Variants in RANBP2 observed in about 807,000 individuals in gnomAD.
RANBP2 encodes RAN binding protein 2, also known as E3 SUMO-protein ligase RanBP2.
RANBP2 carries 57 observed loss-of-function variants against 303.6 expected under a neutral mutation model. The ratio of observed to expected loss-of-function variants is 0.19; its 90% CI spans 0.15 to 0.23. The LOEUF (loss-of-function observed/expected upper bound fraction) is 0.23. Ranked by LOEUF, RANBP2 falls within the 10% of genes least tolerant of loss-of-function variation. The pLI, the probability that RANBP2 is intolerant of heterozygous loss-of-function variation, is 1.00. For missense variants in RANBP2, 3,138 were observed against 3,780.8 expected, an observed-to-expected ratio of 0.83 and a Z score of 4.46; for synonymous variants, 1,167 against 1,301.5, an observed-to-expected ratio of 0.90 and a Z score of 2.23.
the RANBP2 span, among the ~76,000 whole-genome samples, chr2:109,569,200 A>T: frequency 6.6e-6 from 1 of 152,164 alleles, no homozygotes; most frequent in East Asian, 1.9e-4. Flanking sequence ...AGGCTGAGGC[A>T]GGTGGGTCAC....
chr2:109,085,331 T>C, the RANBP2 span, among the ~76,000 whole-genome samples: 9 of 152,268 alleles, frequency 5.9e-5, no homozygotes, highest in African/African-American at 1.9e-4. Flanking sequence ...TTAGATAGAG[T>C]CTTGCTCTGT....
At chr2:109,205,148 A>T in the RANBP2 span, among the ~76,000 whole-genome samples, 1 of 152,218 alleles carries the variant, frequency 6.6e-6, no homozygotes, top group Admixed American at 6.5e-5. Context: ...TTGAGGCTAC[A>T]ATGAGCCATG....
At chr2:109,367,594 T>C in the RANBP2 span, among the ~76,000 whole-genome samples, 1 of 152,240 alleles carries the variant, frequency 6.6e-6, no homozygotes, top group African/African-American at 2.4e-5. Context: ...TTTTTTGAAT[T>C]TAATATTAAC....
the RANBP2 span, among the ~76,000 whole-genome samples, chr2:109,589,557 T>C: frequency 1.3e-5 from 2 of 151,804 alleles, no homozygotes; most frequent in Non-Finnish European, 2.9e-5. Flanking sequence ...TAAAAATAAA[T>C]AAAAAGTAAC....
At chr2:109,518,915 C>CTTTTTTT in the RANBP2 span, among the ~76,000 whole-genome samples, 3 of 110,998 alleles carry the variant, frequency 2.7e-5, no homozygotes, top group African/African-American at 1.2e-4. Flanking sequence ...TGCTACATAT[C>CTTTTTTT]TTTTTTTTTT....
chr2:109,159,096 G>A, the RANBP2 span, among the ~76,000 whole-genome samples: 5 of 152,056 alleles, frequency 3.3e-5, no homozygotes, highest in East Asian at 1.9e-4. Context: ...CAGCCTGGGC[G>A]ACAGAGTGAG....
At chr2:109,429,222 C>A in the RANBP2 span, among the ~76,000 whole-genome samples, 1 of 152,198 alleles carries the variant, frequency 6.6e-6, no homozygotes, top group Non-Finnish European at 1.5e-5. Flanking sequence ...TTGACCCCCA[C>A]CCGGGCCAAG....
the RANBP2 span, among the ~76,000 whole-genome samples, chr2:109,485,121 C>T: frequency 9.9e-5 from 15 of 152,248 alleles, no homozygotes; most frequent in Non-Finnish European, 1.5e-4. Flanking sequence ...GAGTCCCTTT[C>T]TATCTGCTTC....
chr2:109,546,215 A>T, the RANBP2 span: 3 of 1,573,276 alleles, frequency 1.9e-6, no homozygotes, highest in Non-Finnish European at 2.6e-6. Flanking sequence ...AAGTCTCTTA[A>T]GGTGCTCAAA....
the RANBP2 span, among the ~76,000 whole-genome samples, chr2:109,640,759 T>C: frequency 6.6e-6 from 1 of 152,178 alleles, no homozygotes; most frequent in South Asian, 2.1e-4. Context: ...GTCTGACCGC[T>C]GTTTACTGAA....
At chr2:109,191,412 A>G in the RANBP2 span, among the ~76,000 whole-genome samples, 1 of 152,178 alleles carries the variant, frequency 6.6e-6, no homozygotes, top group Non-Finnish European at 1.5e-5. Flanking sequence ...TGTGAATACT[A>G]TTTAGAAGAA....
chr2:109,519,188 G>A, the RANBP2 span, among the ~76,000 whole-genome samples: 1 of 152,084 alleles, frequency 6.6e-6, no homozygotes, highest in South Asian at 2.1e-4. Flanking sequence ...CAAAGTGCTG[G>A]GATTACAGGC....
the RANBP2 span, among the ~76,000 whole-genome samples, chr2:109,203,970 T>C: frequency 0.84 from 128,499 of 152,212 alleles, 54,356 homozygotes; most frequent in African/African-American, 0.88. Context: ...GGTGCTCCAG[T>C]GTGAAGCATT....
the RANBP2 span, among the ~76,000 whole-genome samples, chr2:108,849,152 A>G: frequency 5.1e-3 from 777 of 152,304 alleles, 9 homozygotes; most frequent in Middle Eastern, 0.02. Flanking sequence ...ATACATAGCA[A>G]TAGAAACTGT....
At chr2:108,774,028 A>C (rs527797632) in intron 23 of RANBP2, among the ~76,000 whole-genome samples, 139 of 152,330 alleles carry the variant, frequency 9.1e-4, no homozygotes, top group Non-Finnish European at 1.5e-3. Context: ...CAGTTGATGA[A>C]TCTACATTGA....
the RANBP2 span, among the ~76,000 whole-genome samples, chr2:109,466,947 A>T: frequency 7.1e-6 from 1 of 140,296 alleles, no homozygotes; most frequent in African/African-American, 3.0e-5. Flanking sequence ...GTGTGTGTCT[A>T]TATATCTGTG....
At chr2:109,299,262 T>G in the RANBP2 span, among the ~76,000 whole-genome samples, 1 of 152,260 alleles carries the variant, frequency 6.6e-6, no homozygotes, top group African/African-American at 2.4e-5. Context: ...ACTCTTTAGC[T>G]TTCTTGGGAT....
chr2:109,071,667 C>T, the RANBP2 span, among the ~76,000 whole-genome samples: 1 of 128,632 alleles, frequency 7.8e-6, no homozygotes, highest in Non-Finnish European at 1.7e-5. Context: ...AAGCAAGACT[C>T]TATCTCAAAA....
At chr2:108,825,394 G>A in the RANBP2 span, among the ~76,000 whole-genome samples, 503 of 150,564 alleles carry the variant, frequency 3.3e-3, 4 homozygotes, top group African/African-American at 0.012. Flanking sequence ...TGCAACCATC[G>A]CCTTAATCAG....
Sources: gnomAD v4.1 joint callset for allele counts (sites outside exome capture counted in the v4.1 genomes callset) on GRCh38, gnomAD v4.1.1 for gene constraint, MANE v1.5 for transcripts, NCBI Gene and HGNC (gene_info 2026-07-23, HGNC 2026-07-21) for gene names.